The following EXOC3 variants were observed in gnomAD, a reference collection of about 807,000 sequenced individuals.
The protein encoded by EXOC3 is SEC6-like 1.
In EXOC3, 21 loss-of-function variants were observed where a neutral mutation model predicts 73.7. The observed-to-expected ratio is 0.29, with a 90% CI of 0.20 to 0.41. The LOEUF (loss-of-function observed/expected upper bound fraction) is 0.41, where lower values mean the gene tolerates loss of function less well. Ranked by LOEUF, EXOC3 falls within the 10% of genes least tolerant of loss-of-function variation. The pLI, the probability that EXOC3 is intolerant of heterozygous loss-of-function variation, is 1.00. For missense variants in EXOC3, 842 were observed against 985.1 expected (o/e 0.85, Z 1.95); for synonymous variants, 410 against 389.1 (o/e 1.05, Z -0.63).
At chr5:461,900 C>A in intron 7 of EXOC3, 60 bp from the exon 8 acceptor site, 2 of 1,202,936 alleles carry the variant, frequency 1.7e-6, no homozygotes, top group Non-Finnish European at 2.4e-6. Context: ...GTCAGCGTGG[C>A]ATTTGAAACA....
Position 465,772 on chromosome 5 carries a change from G to C in EXOC3, c.1993G>C (p.Val665Leu), listed in dbSNP as rs1432118205. The change falls in exon 12 of 13, where the codon GTG (valine) becomes CTG (leucine). Residue 665 changes from valine to leucine, a missense_variant. Val to Leu is a conservative substitution (Grantham distance 32, BLOSUM62 1). Transcript: ENST00000512944. ...CGACACCATCGTGGCTGTGGCCGAA[G>C]TGATCAAGCTGACAGACCCTTCTCT... The part of the protein sequence containing the change: ...YCDTIVAVAE[V>L]IKLTDPSLLY... 1 of 1,613,888 alleles carries C rather than the reference G, an allele frequency of 6.2e-7. No individual in the cohort carries two copies. The highest frequency in any genetic ancestry group is 1.1e-5 in the South Asian group (1 of 91,044).
rs761229367 is a variant in EXOC3 at position 457,933 on chromosome 5, G to C, written c.1198G>C (p.Glu400Gln). ...CATCGCCTGGCTGCGGAAAGCGCTG[G>C]AGACAGACAAGAAAGACTGGGTCAA... is the stretch of plus-strand genomic sequence containing the variant. ...NIIAWLRKAL[E>Q]TDKKDWVKET... Residue 400 changes from glutamate (E) to glutamine (Q), a missense_variant, in exon 6 of 13, where the codon GAG (glutamate) becomes CAG (glutamine). Transcript: ENST00000512944. The C allele has an allele frequency of 6.2e-7, 1 of 1,610,946 alleles. No individual in the cohort carries two copies. Among genetic ancestry groups the C allele is most frequent in the East Asian group, 2.2e-5 (1 of 44,822 alleles).
At chr5:448,686 G>A (rs1169166829) in intron 3 of EXOC3, among the ~76,000 whole-genome samples, 1 of 152,174 alleles carries the variant, frequency 6.6e-6, no homozygotes, top group Non-Finnish European at 1.5e-5. Context: ...GTGTGAATTG[G>A]CGCGGTTCTC....
rs755899854 is a variant in EXOC3, at chr5:456,921, C to T, written c.1079C>T (p.Pro360Leu). 18 of 1,613,914 alleles carry T rather than the reference C, an allele frequency of 1.1e-5. No individual in the cohort carries two copies. Among genetic ancestry groups the T allele is most frequent in the African/African-American group, 9.3e-5 (7 of 74,940 alleles). ...ATGATGAGGAACGTGGAGCTGGCCC[C>T]GGAAGTGGATGTCGGCACCCTGGAG... ...TEMMRNVELA[P>L]EVDVGTLEPL... is the part of the protein sequence containing the mutation. Residue 360 changes from proline (P) to leucine (L), a missense_variant, in exon 5 of 13, where the codon CCG becomes CTG. Pro to Leu is a moderately conservative substitution (Grantham distance 98). Transcript: ENST00000512944.
chr5:452,974 C>T (rs1486444530), intron 3 of EXOC3, among the ~76,000 whole-genome samples: 3 of 152,224 alleles, frequency 2.0e-5, no homozygotes, highest in African/African-American at 7.2e-5. Flanking sequence ...CCTCTTCGCA[C>T]CTCTGTGGTC....
At chr5:460,606 G>A (rs1737955969) in intron 7 of EXOC3, among the ~76,000 whole-genome samples, 1 of 151,682 alleles carries the variant, frequency 6.6e-6, no homozygotes, top group Non-Finnish European at 1.5e-5. Flanking sequence ...AGTCCCCACT[G>A]GCCAAGTCTT....
chr5:466,676 T>G (rs1318726114), intron 12 of EXOC3, 51 bp from the exon 13 acceptor site: 48 of 1,558,290 alleles, frequency 3.1e-5, no homozygotes, highest in Middle Eastern at 3.4e-4. Context: ...GGCAGCGTGG[T>G]GCATCACAGG....
chr5:449,625 T>C (rs1338648234), intron 3 of EXOC3, among the ~76,000 whole-genome samples: 1 of 152,226 alleles, frequency 6.6e-6, no homozygotes, highest in Non-Finnish European at 1.5e-5. Context: ...ATTGTAGAAT[T>C]TCCTTCACTT....
intron 3 of EXOC3, 117 bp downstream of exon 3, chr5:447,869 G>A: frequency 1.4e-6 from 1 of 703,956 alleles, no homozygotes; most frequent in Middle Eastern, 4.0e-4. Flanking sequence ...GACGGTAAGT[G>A]TGATTCTTGT....
intron 4 of EXOC3, among the ~76,000 whole-genome samples, chr5:454,290 G>A (rs998028488): frequency 1.3e-5 from 2 of 152,250 alleles, no homozygotes; most frequent in Non-Finnish European, 2.9e-5. Flanking sequence ...TCCAGCCCCC[G>A]TTGAGCTTGA....
chr5:462,248 G>T lies in EXOC3; in HGVS notation c.1594G>T (p.Asp532Tyr), dbSNP rs748155022. The T allele has an allele frequency of 1.2e-6, 2 of 1,614,006 alleles. No homozygotes were observed. The highest frequency in any genetic ancestry group is 1.7e-6 in the Non-Finnish European group (2 of 1,179,910). The change falls in exon 9 of 13, where the codon GAC becomes TAC. Residue 532 changes from aspartate (D) to tyrosine (Y), a missense_variant. Transcript: ENST00000512944. Reference sequence around the variant, plus strand: ...CCAGCCCAGCATGGACGGGATTTTAGACGCCATCGCGAAGGAGGGCTGCAG... The same window carrying T: ...CCAGCCCAGCATGGACGGGATTTTATACGCCATCGCGAAGGAGGGCTGCAG... The part of the protein sequence containing the change: ...PSQPSMDGIL[D>Y]AIAKEGCSGL...
rs1737981188 is a variant in EXOC3 at position 461,458 on chromosome 5, C to A, written c.1392-502C>A. ...TGAAACCCTGTCTCTACTAAAAATA[C>A]AAAAATTAGCTGGGCATGGTGGGGC... On this transcript the variant is annotated intron_variant, in intron 7 of 12. Transcript: ENST00000512944. Among the ~76,000 whole-genome samples, 3 of 152,240 alleles carry A rather than the reference C, an allele frequency of 2.0e-5. No individual in the cohort carries two copies. The South Asian group carries it at 6.2e-4, about 32-fold the overall frequency.
intron 3 of EXOC3, among the ~76,000 whole-genome samples, chr5:448,713 GC>G (rs1374874826): frequency 9.2e-5 from 14 of 152,194 alleles, no homozygotes; most frequent in African/African-American, 3.4e-4. Flanking sequence ...TGCCCACAGC[GC>G]ACCTTGGTAA....
Position 459,396 on chromosome 5 carries a change from G to T in EXOC3, c.1328G>T (p.Ser443Ile). 6.4e-7 allele frequency: 1 copy of T among 1,573,180 alleles called. No homozygotes were observed. The highest frequency in any genetic ancestry group is 8.7e-7 in the Non-Finnish European group (1 of 1,156,068). ...EQNLQVAAQI[S>I]EDLKTKVLVL... is the part of the protein sequence containing the mutation. Reference sequence around the variant, plus strand: ...AATCTTCAAGTTGCTGCTCAGATAAGTGAAGATTTGAAAACAAAGGTACTA... The same window carrying T: ...AATCTTCAAGTTGCTGCTCAGATAATTGAAGATTTGAAAACAAAGGTACTA... The change falls in exon 7 of 13, where the codon AGT becomes ATT. Residue 443 changes from serine to isoleucine, a missense_variant. Transcript: ENST00000512944.
At chr5:463,340 T>A (rs1560940523) in intron 9 of EXOC3, among the ~76,000 whole-genome samples, 2 of 152,164 alleles carry the variant, frequency 1.3e-5, no homozygotes, top group South Asian at 2.1e-4. Context: ...TTAAAAAGAA[T>A]ATATAGAAAA....
intron 12 of EXOC3, chr5:466,364 C>A: frequency 3.7e-6 from 1 of 269,076 alleles, no homozygotes; most frequent in Non-Finnish European, 7.0e-6. Flanking sequence ...TCTCAGGGCA[C>A]CTGCCACTTC....
At chr5:449,075 A>G (rs1016745162) in intron 3 of EXOC3, among the ~76,000 whole-genome samples, 2 of 152,222 alleles carry the variant, frequency 1.3e-5, no homozygotes. Context: ...CTAATGCCTG[A>G]TGACCAAAAA....
intron 3 of EXOC3, among the ~76,000 whole-genome samples, chr5:452,444 A>C (rs1252827817): frequency 3.2e-5 from 4 of 126,114 alleles, no homozygotes. Flanking sequence ...CTTTCTTCAC[A>C]TCTTTAAGTT....
chr5:459,406 GA>G lies in EXOC3; in HGVS notation c.1342del (p.Thr448GlnfsTer4). ...QVAAQISEDL[K>X]TKVLVLCLQQ... ...TTGCTGCTCAGATAAGTGAAGATTTGAAAACAAAGGTACTAGTTTTATGTCT... is the reference window on the plus strand; with the variant it reads ...TTGCTGCTCAGATAAGTGAAGATTTGAAACAAAGGTACTAGTTTTATGTCT... On this transcript the variant is annotated frameshift_variant, in exon 7 of 13. Coordinates refer to ENST00000512944, the MANE Select transcript of EXOC3 (RefSeq NM_007277.5). LOFTEE classifies it high-confidence loss of function. 6.3e-7 allele frequency: 1 copy of G among 1,575,110 alleles called. No homozygotes were observed. The highest frequency in any genetic ancestry group is 8.6e-7 in the Non-Finnish European group (1 of 1,157,440).
Sources: gnomAD v4.1 joint callset for allele counts (sites outside exome capture counted in the v4.1 genomes callset) on GRCh38, gnomAD v4.1.1 for gene constraint, MANE v1.5 for transcripts, NCBI Gene and HGNC (gene_info 2026-07-23, HGNC 2026-07-21) for gene names.